IL12B: variants seen among roughly 807,000 people sequenced by gnomAD.
IL12B encodes the protein interleukin 12B.
IL12B carries 27 observed loss-of-function variants against 39.2 expected under a neutral mutation model. That is an observed-to-expected ratio of 0.69 (90% confidence interval 0.51 to 0.95). IL12B has a LOEUF of 0.95. Among genes scored for constraint, IL12B ranks in the 40% least tolerant of loss-of-function variants. The pLI is 0.00. For missense variants in IL12B, 351 were observed against 397.6 expected (o/e 0.88, Z 1.00); for synonymous variants, 142 against 152.1 (o/e 0.93, Z 0.49).
chr5:159,323,128 A>G lies in IL12B; in HGVS notation c.290T>C (p.Leu97Pro). 1 of 1,614,190 alleles carries G rather than the reference A, an allele frequency of 6.2e-7. No homozygotes were observed. Residue 97 changes from leucine to proline, a missense_variant, in exon 3 of 8, where the codon CTA (leucine) becomes CCA (proline). By Grantham distance (98) the Leu-to-Pro change is moderately conservative. Coordinates refer to ENST00000231228, the MANE Select transcript of IL12B (RefSeq NM_002187.3). The stretch of plus-strand genomic sequence containing the variant: ...GTGAAGCAGCAGGAGCGAATGGCTT[A>G]GAACCTCGCCTCCTTTGTGACAGGT... ...QYTCHKGGEV[L>P]SHSLLLLHKK...
rs1479334784 is a variant in IL12B, at chr5:159,322,487, C to T, written c.389G>A (p.Arg130Lys). Residue 130 changes from arginine to lysine, a missense_variant, in exon 4 of 8, where the codon AGA becomes AAA. Coordinates refer to ENST00000231228, the MANE Select transcript of IL12B (RefSeq NM_002187.3). ...TCCAGAATAATTCTTGGCCTCGCATCTTAGAAAGGTCTTATTTTTGGGTTC... is the reference window on the plus strand; with the variant it reads ...TCCAGAATAATTCTTGGCCTCGCATTTTAGAAAGGTCTTATTTTTGGGTTC... ...QKEPKNKTFLRCEAKNYSGRF... is the reference protein window; with the variant it reads ...QKEPKNKTFLKCEAKNYSGRF... 1.2e-6 allele frequency: 2 copies of T among 1,613,198 alleles called. No individual in the cohort carries two copies. The highest frequency in any genetic ancestry group is 1.1e-5 in the South Asian group (1 of 91,056).
intron 1 of IL12B, among the ~76,000 whole-genome samples, chr5:159,327,187 C>A (rs3212220): frequency 0.27 from 40,748 of 152,080 alleles, 6,022 homozygotes; most frequent in East Asian, 0.48. Flanking sequence ...ACATAAAGAG[C>A]ACTGGGCTAG....
chr5:159,320,474 CAG>C lies in IL12B; in HGVS notation c.527_528del (p.Ser176CysfsTer12). ...TTGTTGTCCCCTCTGACTCTCTCTG[CAG>C]AGAGTGTAGCAGCTCCGCACGTCAC... ...QGVTCGAATL[S>X]AERVRGDNKE... On this transcript the variant is annotated frameshift_variant, in exon 5 of 8. Coordinates refer to ENST00000231228, the MANE Select transcript of IL12B (RefSeq NM_002187.3). LOFTEE classifies it high-confidence loss of function. The C allele has an allele frequency of 6.2e-7, 1 of 1,614,148 alleles. No homozygotes were observed. Among genetic ancestry groups the C allele is most frequent in the Non-Finnish European group, 8.5e-7 (1 of 1,179,984 alleles).
chr5:159,317,975 G>C (rs1159857268), intron 6 of IL12B: 1 of 152,378 alleles, frequency 6.6e-6, no homozygotes, highest in African/African-American at 2.4e-5. Flanking sequence ...GGTGACCTTG[G>C]TAAAGTCACT....
intron 4 of IL12B, among the ~76,000 whole-genome samples, chr5:159,321,242 C>G (rs1365399862): frequency 6.6e-6 from 1 of 151,660 alleles, no homozygotes; most frequent in Non-Finnish European, 1.5e-5. Context: ...TGGCCTCAAG[C>G]AATCATTCTG....
chr5:159,325,919 AG>A (rs1754180881), intron 2 of IL12B, among the ~76,000 whole-genome samples: 1 of 152,220 alleles, frequency 6.6e-6, no homozygotes, highest in Non-Finnish European at 1.5e-5. Flanking sequence ...AGATACTAGA[AG>A]GATGGGCAGA....
chr5:159,316,369 T>A (rs1753989065), intron 7 of IL12B, among the ~76,000 whole-genome samples: 1 of 152,216 alleles, frequency 6.6e-6, no homozygotes, highest in African/African-American at 2.4e-5. Context: ...AGAACAAGAT[T>A]CTGAGTCCTG....
intron 4 of IL12B, 142 bp downstream of exon 4, chr5:159,322,252 C>A: frequency 1.4e-6 from 1 of 739,314 alleles, no homozygotes; most frequent in South Asian, 1.4e-5. Context: ...TCAATGTAGA[C>A]AAGGAAGGGC....
At chr5:159,326,069 A>T (rs1463042385) in intron 2 of IL12B, among the ~76,000 whole-genome samples, 1 of 152,224 alleles carries the variant, frequency 6.6e-6, no homozygotes, top group Non-Finnish European at 1.5e-5. Flanking sequence ...ATTTACTTTC[A>T]CTTTACTATC....
chr5:159,326,884 G>T, intron 1 of IL12B, 102 bp from the exon 2 acceptor site: 1 of 801,922 alleles, frequency 1.2e-6, no homozygotes, highest in South Asian at 1.4e-5. Flanking sequence ...TTACCTTTGT[G>T]AACCATATAC....
intron 2 of IL12B, among the ~76,000 whole-genome samples, 174 bp downstream of exon 2, chr5:159,326,521 G>C (rs1348514978): frequency 6.6e-6 from 1 of 152,104 alleles, no homozygotes; most frequent in Non-Finnish European, 1.5e-5. Context: ...AAACAATATA[G>C]ATACCATCAA....
chr5:159,318,342 A>T (rs1754022167), intron 6 of IL12B, among the ~76,000 whole-genome samples: 1 of 152,264 alleles, frequency 6.6e-6, no homozygotes, highest in South Asian at 2.1e-4. Flanking sequence ...ATAACATTTC[A>T]GTCAAAGAAG....
rs1584750974 is a variant in IL12B at position 159,314,903 on chromosome 5, A to T, written c.*1198T>A. 6.6e-6 allele frequency: 1 copy of T among 152,338 alleles called. No individual in the cohort carries two copies. The highest frequency in any genetic ancestry group is 1.5e-5 in the Non-Finnish European group (1 of 68,040). The allele number at this position is 152,338 out of a possible 1,614,324, so 9.4% of individuals were successfully genotyped here. On this transcript the variant is annotated 3_prime_UTR_variant, in exon 8 of 8. Transcript: ENST00000231228. ...CGCACATACATTACTTAAAAGTAGC[A>T]CCTTCATGGAGCCATATTTTCTGGT...
intron 2 of IL12B, among the ~76,000 whole-genome samples, chr5:159,325,903 A>G (rs1290033010): frequency 6.6e-6 from 1 of 152,224 alleles, no homozygotes; most frequent in East Asian, 1.9e-4. Flanking sequence ...ACATTTACTG[A>G]GTGTGAGATA....
At position 159,320,416 on chromosome 5, in the gene IL12B, T is replaced by A. The variant is rs1343972120; in HGVS notation, c.587A>T (p.Asp196Val). Reference sequence around the variant, plus strand: ...CTCCTCAGCAGCTGGGCAGGCACTGTCCTCCTGGCACTCCACTGAGTACTC... The same window carrying A: ...CTCCTCAGCAGCTGGGCAGGCACTGACCTCCTGGCACTCCACTGAGTACTC... ...EYEYSVECQE[D>V]SACPAAEESL... The change falls in exon 5 of 8, where the codon GAC becomes GTC. Residue 196 changes from aspartate (D) to valine (V), a missense_variant. Coordinates refer to ENST00000231228, the MANE Select transcript of IL12B (RefSeq NM_002187.3). 1.2e-6 allele frequency: 2 copies of A among 1,614,032 alleles called. No individual in the cohort carries two copies. Among genetic ancestry groups the A allele is most frequent in the Non-Finnish European group, 1.7e-6 (2 of 1,179,932 alleles).
At chr5:159,320,812 A>C (rs1754073539) in intron 4 of IL12B, among the ~76,000 whole-genome samples, 1 of 152,214 alleles carries the variant, frequency 6.6e-6, no homozygotes, top group East Asian at 1.9e-4. Flanking sequence ...ATTTTTTCCC[A>C]TTTTAATTAT....
At chr5:159,324,685 C>T (rs1283005372) in intron 2 of IL12B, among the ~76,000 whole-genome samples, 4 of 152,206 alleles carry the variant, frequency 2.6e-5, no homozygotes, top group African/African-American at 9.6e-5. Context: ...TACTGTAAGC[C>T]TCAGTGTCAT....
intron 4 of IL12B, among the ~76,000 whole-genome samples, chr5:159,321,143 T>C (rs1434968483): frequency 6.6e-6 from 1 of 151,754 alleles, no homozygotes; most frequent in East Asian, 1.9e-4. Flanking sequence ...GGACTACAGG[T>C]GTGTGCCACC....
intron 2 of IL12B, among the ~76,000 whole-genome samples, chr5:159,326,262 G>T (rs1183756182): frequency 6.6e-6 from 1 of 152,162 alleles, no homozygotes; most frequent in Non-Finnish European, 1.5e-5. Flanking sequence ...TGAATCCTAT[G>T]CTTCCTCCAA....
Sources: allele counts gnomAD v4.1 joint callset (sites outside exome capture counted in the v4.1 genomes callset), GRCh38; gene constraint gnomAD v4.1.1; transcripts MANE v1.5; gene names NCBI Gene and HGNC (gene_info 2026-07-23, HGNC 2026-07-21).